The following CCND3 variants were observed in gnomAD, a reference collection of about 807,000 sequenced individuals.
CCND3 encodes the protein G1/S-specific cyclin-D3.
A neutral mutation model predicts 28.7 loss-of-function variants in CCND3; 9 were observed. The ratio of observed to expected loss-of-function variants is 0.31; its 90% CI spans 0.19 to 0.55. CCND3 has a LOEUF of 0.55. CCND3 is among the 20% of genes least tolerant of loss of function. The pLI, the probability that CCND3 is intolerant of heterozygous loss-of-function variation, is 0.93. For missense variants in CCND3, 315 were observed against 385.8 expected (o/e 0.82, Z 1.54); for synonymous variants, 164 against 163.9 (o/e 1.00, Z 0.00).
At chr6:41,951,565 C>CAAA (rs1248664090) in intron 1 of CCND3, among the ~76,000 whole-genome samples, 3 of 47,526 alleles carry the variant, frequency 6.3e-5, no homozygotes, top group African/African-American at 2.1e-4. Context: ...CACACACACA[C>CAAA]ACACACACAC....
chr6:41,970,896 C>A (rs1380330707), intron 1 of CCND3, among the ~76,000 whole-genome samples: 2 of 151,416 alleles, frequency 1.3e-5, no homozygotes, highest in Admixed American at 1.3e-4. Flanking sequence ...TCTCTTTTTT[C>A]CACAAACTTG....
chr6:41,962,876 A>C (rs1332981214), intron 1 of CCND3, among the ~76,000 whole-genome samples: 4 of 152,066 alleles, frequency 2.6e-5, no homozygotes, highest in Non-Finnish European at 4.4e-5. Context: ...TCAGCCTCCC[A>C]AGTAGCTGGG....
intron 1 of CCND3, among the ~76,000 whole-genome samples, chr6:41,986,737 C>G (rs760977601): frequency 8.6e-5 from 13 of 151,922 alleles, no homozygotes; most frequent in Non-Finnish European, 1.9e-4. Context: ...TTCTTCTTTT[C>G]CAATTTGGAT....
intron 1 of CCND3, among the ~76,000 whole-genome samples, chr6:41,962,236 G>A (rs1761738548): frequency 6.6e-6 from 1 of 152,180 alleles, no homozygotes; most frequent in Non-Finnish European, 1.5e-5. Context: ...CAGTAGCTGG[G>A]ATTACAGGTG....
At chr6:42,014,690 A>AGGTTGGG (rs1481498481) in intron 1 of CCND3, among the ~76,000 whole-genome samples, 5 of 152,038 alleles carry the variant, frequency 3.3e-5, no homozygotes, top group Non-Finnish European at 7.4e-5. Context: ...TGGGAGGCTG[A>AGGTTGGG]GGTTGGGGGA....
intron 1 of CCND3, among the ~76,000 whole-genome samples, chr6:42,046,534 C>A (rs749763440): frequency 7.9e-5 from 12 of 152,234 alleles, no homozygotes; most frequent in Admixed American, 7.9e-4. Context: ...TTGAGAAGTT[C>A]TTTCTTGAAT....
At position 41,935,658 on chromosome 6, in the gene CCND3, A is replaced by G. The variant is rs1052341605; in HGVS notation, c.*282T>C. ...AAAGGAATGCTGGTGTATGTATCCAATTCTGTCCCATCAGCCTGGCCCACC... is the reference window on the plus strand; with the variant it reads ...AAAGGAATGCTGGTGTATGTATCCAGTTCTGTCCCATCAGCCTGGCCCACC... On this transcript the variant is annotated 3_prime_UTR_variant, in exon 5 of 5. Transcript: ENST00000372991. 1.9e-6 allele frequency: 1 copy of G among 534,458 alleles called. No individual in the cohort carries two copies. The highest frequency in any genetic ancestry group is 2.8e-5 in the South Asian group (1 of 35,108). 33.1% of individuals were successfully genotyped at this position (534,458 alleles called of 1,614,324 possible). A position where few individuals can be genotyped will look rare whatever the true frequency, so the allele number is the denominator to read the frequency against.
At chr6:42,035,430 C>T (rs1251637181) in intron 1 of CCND3, among the ~76,000 whole-genome samples, 3 of 152,064 alleles carry the variant, frequency 2.0e-5, no homozygotes, top group Non-Finnish European at 4.4e-5. Flanking sequence ...TGCAGTGGCT[C>T]GATCTCGGCT....
intron 1 of CCND3, among the ~76,000 whole-genome samples, chr6:42,023,921 A>G (rs1487197091): frequency 6.6e-6 from 1 of 152,178 alleles, no homozygotes; most frequent in Non-Finnish European, 1.5e-5. Context: ...CAGTGTTTAC[A>G]TCAGGCAAAC....
At chr6:42,008,964 G>A (rs556724483) in intron 1 of CCND3, among the ~76,000 whole-genome samples, 3 of 152,228 alleles carry the variant, frequency 2.0e-5, no homozygotes, top group Non-Finnish European at 4.4e-5. Context: ...GAGGGGGGCT[G>A]CCCGTGGGAA....
intron 1 of CCND3, among the ~76,000 whole-genome samples, chr6:41,964,454 CTG>C (rs941420781): frequency 2.0e-4 from 17 of 84,536 alleles, no homozygotes; most frequent in East Asian, 1.4e-3. Context: ...ATGTGTGAGT[CTG>C]TGTGTGAGTG....
intron 1 of CCND3, among the ~76,000 whole-genome samples, chr6:42,015,406 A>G (rs1434027154): frequency 6.6e-6 from 1 of 152,084 alleles, no homozygotes; most frequent in Non-Finnish European, 1.5e-5. Context: ...GCAAAAAAAT[A>G]TTTTATTTTA....
chr6:41,941,208 G>C lies in CCND3; in HGVS notation c.198+244C>G. ...AGAGTGTCCTTGGTCCCGTTTGCTC[G>C]GCCCGAAGAGAGGCACAGTTAGGGT... On this transcript the variant is annotated intron_variant, in intron 1 of 4. Transcript: ENST00000372991. The surrounding 1 kb of genome is among the most constrained non-coding windows in gnomAD (Gnocchi z 6.1). The C allele has an allele frequency of 2.1e-6, 3 of 1,435,334 alleles. No homozygotes were observed. Among genetic ancestry groups the C allele is most frequent in the Non-Finnish European group, 2.7e-6 (3 of 1,098,980 alleles). 88.9% of individuals were successfully genotyped at this position (1,435,334 alleles called of 1,614,324 possible). A position where few individuals can be genotyped will look rare whatever the true frequency, so the allele number is the denominator to read the frequency against.
At chr6:41,991,481 A>G (rs1186306255) in intron 1 of CCND3, among the ~76,000 whole-genome samples, 1 of 152,248 alleles carries the variant, frequency 6.6e-6, no homozygotes, top group East Asian at 1.9e-4. Context: ...TAATTGATAC[A>G]TAATAATTGT....
upstream of CCND3, among the ~76,000 whole-genome samples, chr6:41,944,181 A>T (rs965600262): frequency 4.6e-5 from 7 of 152,198 alleles, no homozygotes; most frequent in East Asian, 1.9e-4. Flanking sequence ...AAAATAAAAA[A>T]AAAAAATAAG....
chr6:42,036,894 T>C (rs1172153705), intron 1 of CCND3, among the ~76,000 whole-genome samples: 3 of 152,082 alleles, frequency 2.0e-5, no homozygotes, highest in African/African-American at 7.2e-5. Context: ...TTTTGGAAAA[T>C]AGTTTTCATT....
chr6:41,999,449 C>T (rs1474168979), intron 1 of CCND3, among the ~76,000 whole-genome samples: 1 of 152,142 alleles, frequency 6.6e-6, no homozygotes, highest in South Asian at 2.1e-4. Context: ...GGTGATCCAC[C>T]TGCCTCGGCC....
chr6:41,987,759 C>G (rs1000813917), intron 1 of CCND3, among the ~76,000 whole-genome samples: 1 of 151,496 alleles, frequency 6.6e-6, no homozygotes, highest in Non-Finnish European at 1.5e-5. Context: ...GCCTTGGCCT[C>G]CCAAAGTGCT....
At chr6:41,946,595 C>CAAAAAAAAA (rs35369019), upstream of CCND3, among the ~76,000 whole-genome samples, 57 of 20,930 alleles carry the variant, frequency 2.7e-3, 5 homozygotes, top group Non-Finnish European at 3.2e-3. Context: ...AGACCTGTCT[C>CAAAAAAAAA]AAAAAAAAAA....
Sources: gnomAD v4.1 joint callset for allele counts (sites outside exome capture counted in the v4.1 genomes callset) on GRCh38, gnomAD v4.1.1 for gene constraint, Gnocchi (gnomAD v3.1) non-coding constraint, MANE v1.5 for transcripts, NCBI Gene and HGNC (gene_info 2026-07-23, HGNC 2026-07-21) for gene names.